CRHBP: variants seen among roughly 807,000 people sequenced by gnomAD.
CRHBP encodes corticotropin releasing hormone binding protein.
In CRHBP, 19 loss-of-function variants were observed where a neutral mutation model predicts 34.9. That is an observed-to-expected ratio of 0.55 (90% CI 0.38 to 0.80). The LOEUF is 0.80. Ranked by LOEUF, CRHBP falls within the 30% of genes least tolerant of loss-of-function variation. CRHBP has a pLI of 0.00. For synonymous variants in CRHBP, 154 were observed against 153.4 expected (o/e 1.00, Z -0.03); for missense variants, 328 against 409.2 (o/e 0.80, Z 1.71).
At chr5:76,976,864 T>C in intron 3 of CRHBP, among the ~76,000 whole-genome samples, 1 of 152,218 alleles carries the variant, frequency 6.6e-6, no homozygotes, top group Non-Finnish European at 1.5e-5. Flanking sequence ...TTACTATTTT[T>C]TTTCTTGAAA....
At position 76,963,417 on chromosome 5, in the gene CRHBP, G is replaced by A; in HGVS notation, c.768G>A (p.Lys256=). The change falls in exon 6 of 7, where the codon AAG becomes AAA. Residue 256 remains lysine, a synonymous_variant. Transcript: ENST00000274368. Reference sequence around the variant, plus strand: ...GAGGAACTGGATTGGACCCTTCCAAGATGACGCCTTTAGCTGATCTCTGCT... The same window carrying A: ...GAGGAACTGGATTGGACCCTTCCAAAATGACGCCTTTAGCTGATCTCTGCT... ...LLGGTGLDPS[K]MTPLADLCYP... 1 of 1,614,178 alleles carries A rather than the reference G, an allele frequency of 6.2e-7. No individual in the cohort carries two copies. The highest frequency in any genetic ancestry group is 1.1e-5 in the South Asian group (1 of 91,078).
At chr5:76,968,652 G>A in intron 6 of CRHBP, 76 bp from the exon 7 acceptor site, 1 of 1,456,982 alleles carries the variant, frequency 6.9e-7, no homozygotes. Flanking sequence ...TTATGTTTAA[G>A]TGATCCCGTC....
At position 76,968,835 on chromosome 5, in the gene CRHBP, G is replaced by A. The variant is rs1420069115; in HGVS notation, c.919G>A (p.Glu307Lys). The change falls in exon 7 of 7, where the codon GAA becomes AAA. Residue 307 changes from glutamate (E) to lysine (K), a missense_variant. Around this residue, in one of 3 missense-constraint regions of CRHBP, gnomAD observed 144 missense variants for 216.7 expected, o/e 0.66. Coordinates refer to ENST00000274368, the MANE Select transcript of CRHBP (RefSeq NM_001882.4). The part of the protein sequence containing the change: ...EYRQLEPYEL[E>K]NPNGNSIGEF... The stretch of plus-strand genomic sequence containing the variant: ...TCGTCAGCTGGAGCCGTACGAGCTG[G>A]AAAACCCAAATGGAAACAGTATCGG... The A allele has an allele frequency of 1.9e-6, 3 of 1,614,154 alleles. No individual in the cohort carries two copies. Among genetic ancestry groups the A allele is most frequent in the East Asian group, 2.2e-5 (1 of 44,882 alleles).
intron 5 of CRHBP, 98 bp downstream of exon 5, chr5:76,958,987 C>T (rs571043986): frequency 1.1e-4 from 142 of 1,281,078 alleles, no homozygotes; most frequent in Non-Finnish European, 1.4e-4. Context: ...AGCAAATTGG[C>T]GTAGTACGTT....
intron 4 of CRHBP, 51 bp downstream of exon 4, chr5:76,955,914 G>T: frequency 6.6e-7 from 1 of 1,523,800 alleles, no homozygotes; most frequent in South Asian, 1.2e-5. Context: ...CCCGCTTTTT[G>T]AAAGTAGTAT....
intron 4 of CRHBP, 100 bp from the exon 5 acceptor site, chr5:76,958,641 G>T: frequency 7.4e-7 from 1 of 1,351,090 alleles, no homozygotes; most frequent in South Asian, 1.5e-5. Context: ...GAAGGCCCTA[G>T]ATCATGAACA....
chr5:76,980,710 C>G (rs1322758616), intron 3 of CRHBP, among the ~76,000 whole-genome samples: 3 of 152,152 alleles, frequency 2.0e-5, no homozygotes, highest in Non-Finnish European at 4.4e-5. Flanking sequence ...GGGTGGGCCT[C>G]AACCAATCAG....
Position 76,958,766 on chromosome 5 carries a change from A to G in CRHBP, c.570A>G (p.Pro190=). Residue 190 remains proline, a synonymous_variant, in exon 5 of 7, where the codon CCA becomes CCG. Coordinates refer to ENST00000274368, the MANE Select transcript of CRHBP (RefSeq NM_001882.4). ...LFPCNVISQT[P]NGKFTLVVPH... is the part of the protein sequence containing the mutation. ...CTTGCAATGTCATTTCTCAGACTCC[A>G]AATGGAAAGTTTACCCTGGTAGTTC... 1.2e-6 allele frequency: 2 copies of G among 1,611,890 alleles called. No individual in the cohort carries two copies. Among genetic ancestry groups the G allele is most frequent in the East Asian group, 4.5e-5 (2 of 44,870 alleles).
chr5:76,975,825 A>AAAAAAAAAAAAAAT, intron 2 of CRHBP, among the ~76,000 whole-genome samples: 5 of 61,858 alleles, frequency 8.1e-5, no homozygotes, highest in African/African-American at 3.6e-4. Flanking sequence ...AAAAAAAAAA[A>AAAAAAAAAAAAAAT]ATATATATAT....
intron 2 of CRHBP, among the ~76,000 whole-genome samples, chr5:76,975,825 A>AAAATATATATATATATATATATAT: frequency 1.6e-5 from 1 of 61,860 alleles, no homozygotes; most frequent in African/African-American, 9.1e-5. Flanking sequence ...AAAAAAAAAA[A>AAAATATATATATATATATATATAT]ATATATATAT....
At chr5:76,972,967 T>C (rs1290305022), downstream of CRHBP, among the ~76,000 whole-genome samples, 2 of 152,172 alleles carry the variant, frequency 1.3e-5, no homozygotes, top group African/African-American at 4.8e-5. Context: ...ATACCTACTA[T>C]CTGTTAGACA....
intron 4 of CRHBP, among the ~76,000 whole-genome samples, chr5:76,957,186 T>TA (rs1035641227): frequency 1.3e-5 from 2 of 152,082 alleles, no homozygotes; most frequent in African/African-American, 2.4e-5. Context: ...TTAAAACTTT[T>TA]AAAAAAGTTT....
rs555831463 is a variant in CRHBP at position 76,958,916 on chromosome 5, G to A, written c.693+27G>A. On this transcript the variant is annotated intron_variant, in intron 5 of 6. Coordinates refer to ENST00000274368, the MANE Select transcript of CRHBP (RefSeq NM_001882.4). ...TGAGTTGCTTACTTGTTTCCTAACC[G>A]TTTGATAAGGCCACAACTTTATCAG... is the stretch of plus-strand genomic sequence containing the variant. The A allele has an allele frequency of 3.4e-5, 55 of 1,609,982 alleles. No individual in the cohort carries two copies. In the Middle Eastern group the frequency reaches 5.0e-4, roughly 15 times the overall value.
intron 4 of CRHBP, 60 bp downstream of exon 4, chr5:76,955,923 A>G: frequency 6.9e-7 from 1 of 1,452,838 alleles, no homozygotes; most frequent in East Asian, 2.3e-5. Context: ...TGAAAGTAGT[A>G]TCATTGCACA....
intron 2 of CRHBP, 152 bp downstream of exon 2, chr5:76,953,846 G>A (rs1285933982): frequency 1.7e-6 from 2 of 1,173,536 alleles, no homozygotes; most frequent in Non-Finnish European, 2.3e-6. Context: ...GTCCGCGGAG[G>A]CGCGCCAGGA....
intron 3 of CRHBP, among the ~76,000 whole-genome samples, chr5:76,954,609 C>T (rs1250789337): frequency 1.3e-5 from 2 of 152,340 alleles, no homozygotes; most frequent in Admixed American, 1.3e-4. Context: ...CCGCCCCACA[C>T]GTCTCACATC....
At chr5:76,961,018 C>T (rs187543566) in intron 5 of CRHBP, among the ~76,000 whole-genome samples, 31 of 152,234 alleles carry the variant, frequency 2.0e-4, no homozygotes, top group East Asian at 9.6e-4. Context: ...CTGCCCGCCT[C>T]GGCCTCCCAA....
chr5:76,955,445 A>G (rs1482117538), intron 3 of CRHBP, among the ~76,000 whole-genome samples: 2 of 152,238 alleles, frequency 1.3e-5, no homozygotes, highest in African/African-American at 4.8e-5. Context: ...TTTAAGGCTT[A>G]TAAAAAATTA....
intron 6 of CRHBP, among the ~76,000 whole-genome samples, chr5:76,964,658 G>A (rs944235517): frequency 3.3e-5 from 5 of 152,130 alleles, no homozygotes; most frequent in Admixed American, 6.5e-5. Flanking sequence ...TTCGAGACCA[G>A]CGTGGCCAAT....
Sources: allele counts gnomAD v4.1 joint callset (sites outside exome capture counted in the v4.1 genomes callset), GRCh38; gene constraint gnomAD v4.1.1; regional missense constraint gnomAD v4.1.1; transcripts MANE v1.5; gene names NCBI Gene and HGNC (gene_info 2026-07-23, HGNC 2026-07-21).